RYR2: variants seen among roughly 807,000 people sequenced by gnomAD.
RYR2 encodes ryanodine receptor 2.
In RYR2, 227 loss-of-function variants were observed where a neutral mutation model predicts 601.1. That is an observed-to-expected ratio of 0.38 (90% CI 0.34 to 0.42). The LOEUF (loss-of-function observed/expected upper bound fraction) is 0.42, where lower values mean the gene tolerates loss of function less well. Among genes scored for constraint, RYR2 ranks in the 10% least tolerant of loss-of-function variants. The pLI, the probability that RYR2 is intolerant of heterozygous loss-of-function variation, is 1.00. For missense variants in RYR2, 4,646 were observed against 6,156.5 expected, an observed-to-expected ratio of 0.75 and a Z score of 8.21; for synonymous variants, 2,223 against 2,175.1, an observed-to-expected ratio of 1.02 and a Z score of -0.61.
At chr1:237,639,410 T>C (rs1297271166) in intron 46 of RYR2, among the ~76,000 whole-genome samples, 1 of 152,184 alleles carries the variant, frequency 6.6e-6, no homozygotes, top group Non-Finnish European at 1.5e-5. Flanking sequence ...GAAGATGGTG[T>C]AGATTTAGCA....
chr1:237,511,579 T>C (rs1665905184), intron 23 of RYR2, 109 bp from the exon 24 acceptor site: 3 of 797,472 alleles, frequency 3.8e-6, no homozygotes, highest in Admixed American at 4.0e-5. Flanking sequence ...GGTAATGATC[T>C]GGGTGTTTCT....
chr1:237,658,800 A>G (rs1411622459), intron 54 of RYR2, among the ~76,000 whole-genome samples: 1 of 152,206 alleles, frequency 6.6e-6, no homozygotes. Flanking sequence ...ATTTCTTACT[A>G]CCAACTAGAT....
chr1:237,167,708 CTTTTTTT>C (rs11288225), intron 1 of RYR2, among the ~76,000 whole-genome samples: 1 of 101,112 alleles, frequency 9.9e-6, no homozygotes, highest in African/African-American at 3.9e-5. Context: ...GATCCACCTC[CTTTTTTT>C]TTTTTTTTTT....
chr1:237,047,389 C>CTTTTT (rs3056166), intron 1 of RYR2, among the ~76,000 whole-genome samples: 6 of 123,716 alleles, frequency 4.8e-5, no homozygotes, highest in Admixed American at 8.3e-5. Flanking sequence ...CCTTTCTAGC[C>CTTTTT]TTTTTTTTTT....
At chr1:237,655,790 A>AT (rs752921347) in intron 52 of RYR2, 31 bp from the exon 53 acceptor site, 9,472 of 1,118,214 alleles carry the variant, frequency 8.5e-3, no homozygotes, top group Admixed American at 0.014. Context: ...CCATATAGTA[A>AT]TTTTTTTTTT....
chr1:237,196,734 G>C (rs1222672617), intron 1 of RYR2, among the ~76,000 whole-genome samples: 1 of 152,090 alleles, frequency 6.6e-6, no homozygotes, highest in Non-Finnish European at 1.5e-5. Flanking sequence ...TTTTTAAGAT[G>C]TTCCTAACTA....
At chr1:237,756,456 C>A in intron 81 of RYR2, 69 bp downstream of exon 81, 1 of 1,017,946 alleles carries the variant, frequency 9.8e-7, no homozygotes, top group Non-Finnish European at 1.5e-6. Flanking sequence ...CAAGGTCCTC[C>A]CTCATTTCAA....
At chr1:237,370,929 G>A (rs1700592083) in intron 6 of RYR2, among the ~76,000 whole-genome samples, 1 of 152,012 alleles carries the variant, frequency 6.6e-6, no homozygotes, top group South Asian at 2.1e-4. Context: ...CGGAGTGCTG[G>A]GATTACAGGC....
chr1:237,821,197 A>T (rs1346261621), intron 101 of RYR2, among the ~76,000 whole-genome samples: 1 of 152,114 alleles, frequency 6.6e-6, no homozygotes, highest in African/African-American at 2.4e-5. Context: ...CTGCCTCCTG[A>T]AGTGGGTCCC....
intron 27 of RYR2, among the ~76,000 whole-genome samples, chr1:237,561,815 T>A (rs533643090): frequency 7.9e-5 from 12 of 152,106 alleles, no homozygotes; most frequent in Non-Finnish European, 1.5e-4. Context: ...AAGGGACAGA[T>A]TGGAGGGGGC....
intron 1 of RYR2, among the ~76,000 whole-genome samples, chr1:237,069,421 C>T (rs1024925096): frequency 6.6e-6 from 1 of 151,854 alleles, no homozygotes; most frequent in Admixed American, 6.6e-5. Flanking sequence ...CAGGGCACAG[C>T]AAGTTGGACA....
intron 1 of RYR2, among the ~76,000 whole-genome samples, chr1:237,224,617 G>A (rs1684159910): frequency 6.6e-6 from 1 of 152,076 alleles, no homozygotes; most frequent in Non-Finnish European, 1.5e-5. Context: ...CAGTACTGTG[G>A]GAGGCCGAGG....
Position 237,655,972 on chromosome 1 carries a change from T to C in RYR2, c.8117T>C (p.Val2706Ala), listed in dbSNP as rs1683206206. The change falls in exon 53 of 105, where the codon GTT (valine) becomes GCT (alanine). Residue 2706 changes from valine to alanine, a missense_variant. Physicochemically the swap from Val to Ala is moderately conservative, Grantham distance 64. Around this residue, in one of 17 missense-constraint regions of RYR2, gnomAD observed 1,497 missense variants for 1,842.6 expected, o/e 0.81. Transcript: ENST00000366574. ...GAAGGGAACTTTAACCCACAACCTGTTGATACCTCAAAGTATGGACTCTTT... is the reference window on the plus strand; with the variant it reads ...GAAGGGAACTTTAACCCACAACCTGCTGATACCTCAAAGTATGGACTCTTT... ...DSEGNFNPQP[V>A]DTSNITIPEK... 1 of 1,613,226 alleles carries C rather than the reference T, an allele frequency of 6.2e-7. No individual in the cohort carries two copies. The highest frequency in any genetic ancestry group is 1.7e-5 in the Admixed American group (1 of 59,898).
intron 2 of RYR2, among the ~76,000 whole-genome samples, chr1:237,280,865 A>G (rs984086986): frequency 1.5e-4 from 23 of 151,638 alleles, no homozygotes; most frequent in African/African-American, 5.6e-4. Context: ...GCTCACTGCA[A>G]CCTCCACCTT....
chr1:237,594,428 A>G (rs944500717), intron 33 of RYR2, among the ~76,000 whole-genome samples: 1 of 152,260 alleles, frequency 6.6e-6, no homozygotes, highest in African/African-American at 2.4e-5. Flanking sequence ...TAGCATTTTC[A>G]ATGGGAGCCC....
chr1:237,133,885 A>G (rs1244520763), intron 1 of RYR2, among the ~76,000 whole-genome samples: 1 of 134,574 alleles, frequency 7.4e-6, no homozygotes, highest in African/African-American at 2.7e-5. Context: ...AGATCACGTC[A>G]TTGCACTCCA....
intron 8 of RYR2, among the ~76,000 whole-genome samples, chr1:237,381,059 CAA>C (rs945616161): frequency 5.9e-5 from 9 of 151,626 alleles, no homozygotes; most frequent in African/African-American, 1.9e-4. Context: ...GCCTGGGCGA[CAA>C]GAGTGAAATT....
chr1:237,498,232 G>C (rs1664277747), intron 20 of RYR2, among the ~76,000 whole-genome samples: 1 of 151,954 alleles, frequency 6.6e-6, no homozygotes, highest in Non-Finnish European at 1.5e-5. Context: ...GCTGTGTTTT[G>C]CATATTTCAT....
At chr1:237,492,843 G>GGAAGGAAGGAAA (rs1663534467) in intron 18 of RYR2, 111 bp from the exon 19 acceptor site, 2 of 1,070,200 alleles carry the variant, frequency 1.9e-6, no homozygotes, top group African/African-American at 4.6e-5. Flanking sequence ...AAGGAAGGAA[G>GGAAGGAAGGAAA]GAAGGAAGGA....
Sources: gnomAD v4.1 joint callset for allele counts (sites outside exome capture counted in the v4.1 genomes callset) on GRCh38, gnomAD v4.1.1 for gene constraint, gnomAD v4.1.1 regional missense constraint, MANE v1.5 for transcripts, NCBI Gene and HGNC (gene_info 2026-07-23, HGNC 2026-07-21) for gene names.